The following ASIC2 variants were observed in gnomAD, a reference collection of about 807,000 sequenced individuals.
The protein encoded by ASIC2 is acid-sensing ion channel 2.
A neutral mutation model predicts 57.3 loss-of-function variants in ASIC2; 25 were observed. The observed-to-expected ratio is 0.44, with a 90% CI of 0.32 to 0.61. The LOEUF (loss-of-function observed/expected upper bound fraction) is 0.61, where lower values mean the gene tolerates loss of function less well. Ranked by LOEUF, ASIC2 falls within the 20% of genes least tolerant of loss-of-function variation. The pLI, the probability that ASIC2 is intolerant of heterozygous loss-of-function variation, is 0.06. For synonymous variants in ASIC2, 319 were observed against 307.5 expected (o/e 1.04, Z -0.39); for missense variants, 641 against 738.1 (o/e 0.87, Z 1.52).
intron 1 of ASIC2, among the ~76,000 whole-genome samples, chr17:33,316,268 G>T (rs548487005): frequency 4.6e-5 from 7 of 152,222 alleles, no homozygotes; most frequent in East Asian, 3.9e-4. Context: ...TGCTGAACAC[G>T]CTACAGTGTC....
intron 1 of ASIC2, among the ~76,000 whole-genome samples, chr17:33,462,250 A>G (rs921627755): frequency 5.3e-5 from 8 of 152,206 alleles, no homozygotes; most frequent in Non-Finnish European, 1.0e-4. Context: ...AATAGAACCT[A>G]CAAGGTTTTA....
chr17:33,692,685 C>A (rs1272869579), intron 1 of ASIC2, among the ~76,000 whole-genome samples: 3 of 152,162 alleles, frequency 2.0e-5, no homozygotes, highest in African/African-American at 7.2e-5. Flanking sequence ...TGGTGAGTGA[C>A]TATGAAGGCC....
At chr17:33,436,815 A>T (rs1385666728) in intron 1 of ASIC2, among the ~76,000 whole-genome samples, 1 of 147,242 alleles carries the variant, frequency 6.8e-6, no homozygotes, top group African/African-American at 2.5e-5. Flanking sequence ...ATAGCAACCT[A>T]TAAGGAACAT....
chr17:33,830,586 A>G (rs148256209), intron 1 of ASIC2, among the ~76,000 whole-genome samples: 3 of 152,102 alleles, frequency 2.0e-5, no homozygotes, highest in Non-Finnish European at 4.4e-5. Context: ...TGGAATATAT[A>G]TGCAGAAAGT....
chr17:33,901,176 C>T (rs185305186), intron 1 of ASIC2, among the ~76,000 whole-genome samples: 5 of 152,266 alleles, frequency 3.3e-5, no homozygotes, highest in South Asian at 2.1e-4. Context: ...TGTCTTTGGG[C>T]GTCTCTTTCT....
In ASIC2 at chr17:33,236,478, A is replaced by G. The variant is rs565108931; in HGVS notation, c.708+54930T>C. On this transcript the variant is annotated intron_variant, in intron 1 of 9. Coordinates refer to ENST00000225823, the MANE Select transcript of ASIC2 (RefSeq NM_183377.2). ...CTAGCCTCAGCCTTCCAAGTAGCTTAGACTACAGGTGCACGCTACTACACC... is the reference window on the plus strand; with the variant it reads ...CTAGCCTCAGCCTTCCAAGTAGCTTGGACTACAGGTGCACGCTACTACACC... Among the ~76,000 whole-genome samples the G allele has an allele frequency of 2.6e-5, 4 of 152,162 alleles. No individual in the cohort carries two copies. The South Asian group carries it at 6.3e-4, about 24-fold the overall frequency.
At chr17:34,095,463 A>C (rs969431590) in intron 1 of ASIC2, among the ~76,000 whole-genome samples, 1 of 151,864 alleles carries the variant, frequency 6.6e-6, no homozygotes, top group African/African-American at 2.4e-5. Context: ...AGTGGTTTGC[A>C]CTCAGTGGAG....
At chr17:34,078,570 G>C (rs1308243805) in intron 1 of ASIC2, among the ~76,000 whole-genome samples, 1 of 152,132 alleles carries the variant, frequency 6.6e-6, no homozygotes, top group African/African-American at 2.4e-5. Flanking sequence ...CCCCGGAAGT[G>C]CTGGGAGACA....
chr17:33,617,851 G>A (rs776003782), intron 1 of ASIC2, among the ~76,000 whole-genome samples: 5 of 152,098 alleles, frequency 3.3e-5, no homozygotes, highest in Admixed American at 2.6e-4. Context: ...CAATAATTAC[G>A]TGTTTATAAA....
In ASIC2 at chr17:33,098,978, A is replaced by AAAAT. The variant is rs2092197696; in HGVS notation, c.860-9989_860-9988insATTT. 2.0e-5 allele frequency among the ~76,000 whole-genome samples: 3 copies of AAAAT among 148,572 alleles called. No homozygotes were observed. In the South Asian group the frequency reaches 6.3e-4, roughly 31 times the overall value. On this transcript the variant is annotated intron_variant, in intron 2 of 9. Coordinates refer to ENST00000225823, the MANE Select transcript of ASIC2 (RefSeq NM_183377.2). ...TATAAACAAAAATATATAAACAAAA[A>AAAAT]ATATATATATAAAAACAAAATATAT...
intron 1 of ASIC2, among the ~76,000 whole-genome samples, chr17:33,686,890 C>T (rs1194011642): frequency 6.6e-6 from 1 of 151,948 alleles, no homozygotes. Flanking sequence ...GGGGTGATAC[C>T]AGTAGAGTTA....
chr17:34,003,000 C>T (rs979571145), intron 1 of ASIC2: 1 of 152,160 alleles, frequency 6.6e-6, no homozygotes, highest in Non-Finnish European at 1.5e-5. Context: ...ATGAATGATG[C>T]CTATCAGAGA....
intron 1 of ASIC2, among the ~76,000 whole-genome samples, chr17:33,364,049 T>C (rs966793926): frequency 2.0e-5 from 3 of 152,284 alleles, no homozygotes; most frequent in East Asian, 1.9e-4. Context: ...TCTTGTTTGA[T>C]GTGTGGGGAA....
intron 1 of ASIC2, among the ~76,000 whole-genome samples, chr17:33,425,343 A>G (rs573978410): frequency 3.9e-4 from 59 of 152,380 alleles, no homozygotes; most frequent in Non-Finnish European, 5.4e-4. Flanking sequence ...GCTCTGTCAG[A>G]TGCCAAAGCC....
At chr17:33,548,602 C>A (rs559025039) in intron 1 of ASIC2, among the ~76,000 whole-genome samples, 1 of 152,326 alleles carries the variant, frequency 6.6e-6, no homozygotes, top group Admixed American at 6.5e-5. Context: ...CTGCTCTACT[C>A]TCCATTCACC....
At chr17:33,474,732 C>T (rs1450931743) in intron 1 of ASIC2, among the ~76,000 whole-genome samples, 1 of 152,184 alleles carries the variant, frequency 6.6e-6, no homozygotes, top group African/African-American at 2.4e-5. Flanking sequence ...ATTTAGTCCA[C>T]AAAGGCCAGC....
At chr17:33,135,988 G>T (rs2092365472) in intron 1 of ASIC2, among the ~76,000 whole-genome samples, 1 of 152,224 alleles carries the variant, frequency 6.6e-6, no homozygotes, top group African/African-American at 2.4e-5. Flanking sequence ...AGATAGACGG[G>T]TAGCAAAGTA....
At chr17:33,107,147 A>C (rs541700183) in intron 2 of ASIC2, among the ~76,000 whole-genome samples, 1 of 152,350 alleles carries the variant, frequency 6.6e-6, no homozygotes, top group Admixed American at 6.5e-5. Flanking sequence ...GTATCTACAC[A>C]GAATTTCATT....
intron 1 of ASIC2, among the ~76,000 whole-genome samples, chr17:33,746,298 G>A (rs550322651): frequency 7.6e-4 from 112 of 146,736 alleles, no homozygotes; most frequent in South Asian, 3.5e-3. Context: ...ACATATACAC[G>A]TATGTATATA....
Sources: gnomAD v4.1 joint callset for allele counts (sites outside exome capture counted in the v4.1 genomes callset) on GRCh38, gnomAD v4.1.1 for gene constraint, MANE v1.5 for transcripts, NCBI Gene and HGNC (gene_info 2026-07-23, HGNC 2026-07-21) for gene names.